The following RAD54L2 variants were observed in gnomAD, a reference collection of about 807,000 sequenced individuals.
RAD54L2 encodes helicase ARIP4.
Under a neutral mutation model 138.4 loss-of-function variants are expected in RAD54L2, and 27 were observed. The ratio of observed to expected loss-of-function variants is 0.20; its 90% confidence interval spans 0.14 to 0.27. RAD54L2 has a LOEUF of 0.27. Among genes scored for constraint, RAD54L2 ranks in the 10% least tolerant of loss-of-function variants. RAD54L2 has a pLI of 1.00. For synonymous variants in RAD54L2, 644 were observed against 723.2 expected, an observed-to-expected ratio of 0.89 and a Z score of 1.76; for missense variants, 1,396 against 1,890.2, an observed-to-expected ratio of 0.74 and a Z score of 4.85.
At chr3:51,650,956 A>G (rs888126894) in intron 19 of RAD54L2, among the ~76,000 whole-genome samples, 6 of 152,238 alleles carry the variant, frequency 3.9e-5, no homozygotes, top group African/African-American at 1.2e-4. Context: ...TAAAGGAGAT[A>G]GAGACACAAA....
intron 2 of RAD54L2, among the ~76,000 whole-genome samples, chr3:51,556,938 TGA>T (rs1698983329): frequency 6.6e-6 from 1 of 152,110 alleles, no homozygotes; most frequent in African/African-American, 2.4e-5. Context: ...GCAATATCTC[TGA>T]GGTGAGTTCC....
chr3:51,605,774 C>T (rs564860658), intron 3 of RAD54L2, among the ~76,000 whole-genome samples: 2 of 152,106 alleles, frequency 1.3e-5, no homozygotes, highest in Non-Finnish European at 2.9e-5. Context: ...ACTTTAGATA[C>T]GTCTAGTTTT....
At chr3:51,548,562 G>A (rs1490616036) in intron 2 of RAD54L2, among the ~76,000 whole-genome samples, 2 of 152,124 alleles carry the variant, frequency 1.3e-5, no homozygotes, top group African/African-American at 2.4e-5. Flanking sequence ...TACAGATGAG[G>A]AAGCAAACCC....
intron 19 of RAD54L2, among the ~76,000 whole-genome samples, chr3:51,648,178 G>T (rs767675444): frequency 1.3e-5 from 2 of 152,196 alleles, no homozygotes; most frequent in East Asian, 3.9e-4. Flanking sequence ...CCACACCCAC[G>T]GAGCCTTGCT....
intron 3 of RAD54L2, among the ~76,000 whole-genome samples, chr3:51,603,264 T>C (rs911881842): frequency 5.9e-5 from 9 of 151,902 alleles, no homozygotes; most frequent in African/African-American, 2.2e-4. Flanking sequence ...GTCAACTTTG[T>C]GCCACTGCAC....
chr3:51,560,242 C>T (rs188358070), intron 2 of RAD54L2, among the ~76,000 whole-genome samples: 3 of 152,214 alleles, frequency 2.0e-5, no homozygotes, highest in South Asian at 4.1e-4. Flanking sequence ...GCACTCTAGG[C>T]CCTGGTTAGG....
In RAD54L2 at chr3:51,637,147, T is replaced by C; in HGVS notation, c.1340-14T>C. 6.4e-7 allele frequency: 1 copy of C among 1,565,620 alleles called. No homozygotes were observed. Among genetic ancestry groups the C allele is most frequent in the Non-Finnish European group, 8.7e-7 (1 of 1,154,314 alleles). On this transcript the variant is annotated splice_polypyrimidine_tract_variant and intron_variant, in intron 10 of 22. Transcript: ENST00000684192. The surrounding 1 kb of genome is among the most constrained non-coding windows in gnomAD (Gnocchi z 5.9). ...CCTGTCACCCTCTGACTCCGGATCC[T>C]CTTCCCTCCCTAGAGTTTGAGAAGG...
Position 51,657,740 on chromosome 3 carries a change from C to T in RAD54L2, c.3316+71C>T, listed in dbSNP as rs1454258281. 3 of 1,083,196 alleles carry T rather than the reference C, an allele frequency of 2.8e-6. No homozygotes were observed. The African/African-American group carries it at 4.7e-5, about 17-fold the overall frequency. 67.1% of individuals were successfully genotyped at this position (1,083,196 alleles called of 1,614,324 possible). A position where few individuals can be genotyped will look rare whatever the true frequency, so the allele number is the denominator to read the frequency against. On this transcript the variant is annotated intron_variant, in intron 21 of 22. Transcript: ENST00000684192. ...GCTGGGCTGGGAAGAAGAATAAATA[C>T]ATATGACTTGAGCTAGACGGGTCAT...
At chr3:51,588,767 A>G (rs912146067) in intron 2 of RAD54L2, among the ~76,000 whole-genome samples, 4 of 152,152 alleles carry the variant, frequency 2.6e-5, no homozygotes, top group Non-Finnish European at 5.9e-5. Context: ...CTGACACATG[A>G]TAGACATAGT....
At chr3:51,625,798 G>T (rs1202706270) in intron 3 of RAD54L2, among the ~76,000 whole-genome samples, 1 of 152,078 alleles carries the variant, frequency 6.6e-6, no homozygotes, top group East Asian at 1.9e-4. Context: ...GGAGTTTGAG[G>T]CTACAGTGAG....
intron 2 of RAD54L2, among the ~76,000 whole-genome samples, chr3:51,573,198 C>T (rs185278524): frequency 5.3e-5 from 8 of 152,128 alleles, no homozygotes; most frequent in Middle Eastern, 6.8e-3. Context: ...TGTGGGGTGC[C>T]GTTTATTTAT....
intron 2 of RAD54L2, among the ~76,000 whole-genome samples, chr3:51,550,149 G>A (rs190390621): frequency 1.1e-3 from 164 of 152,226 alleles, no homozygotes; most frequent in Non-Finnish European, 1.8e-3. Context: ...CCTCACTTGA[G>A]CTGATCGCTC....
chr3:51,608,043 G>A (rs1180664616), intron 3 of RAD54L2, among the ~76,000 whole-genome samples: 7 of 151,628 alleles, frequency 4.6e-5, no homozygotes, highest in Admixed American at 1.3e-4. Context: ...GGCGGCTGCC[G>A]GGCAGAGGGG....
intron 2 of RAD54L2, among the ~76,000 whole-genome samples, chr3:51,567,913 G>A (rs1412910346): frequency 1.4e-5 from 2 of 146,398 alleles, no homozygotes; most frequent in Admixed American, 7.0e-5. Context: ...CTGCGCTTGA[G>A]CCTGGGTGAC....
intron 3 of RAD54L2, among the ~76,000 whole-genome samples, chr3:51,610,107 G>T (rs1184091674): frequency 6.6e-6 from 1 of 151,986 alleles, no homozygotes; most frequent in Non-Finnish European, 1.5e-5. Context: ...CTGCACTCCA[G>T]CCTGGGCAAC....
intron 2 of RAD54L2, among the ~76,000 whole-genome samples, chr3:51,586,431 G>GT (rs538266040): frequency 0.011 from 1,460 of 134,074 alleles, 9 homozygotes; most frequent in South Asian, 0.019. Flanking sequence ...TGTTGCCTTT[G>GT]TTTTTTTTTT....
intron 3 of RAD54L2, among the ~76,000 whole-genome samples, chr3:51,594,066 C>CTTTTT (rs904101025): frequency 2.4e-3 from 252 of 105,090 alleles, no homozygotes; most frequent in Non-Finnish European, 2.9e-3. Flanking sequence ...TTTTCTTTTT[C>CTTTTT]TTTTTTTTTT....
chr3:51,648,536 A>T (rs954370251), intron 19 of RAD54L2, among the ~76,000 whole-genome samples: 35 of 152,202 alleles, frequency 2.3e-4, no homozygotes, highest in African/African-American at 8.2e-4. Context: ...ACTGGGAGAC[A>T]CTTCCCAGTA....
intron 2 of RAD54L2, among the ~76,000 whole-genome samples, chr3:51,587,264 C>A (rs535684915): frequency 6.6e-6 from 1 of 152,162 alleles, no homozygotes; most frequent in South Asian, 2.1e-4. Context: ...CCACGCCCGG[C>A]TAATTTTTTG....
Sources: gnomAD v4.1 joint callset for allele counts (sites outside exome capture counted in the v4.1 genomes callset) on GRCh38, gnomAD v4.1.1 for gene constraint, Gnocchi (gnomAD v3.1) non-coding constraint, MANE v1.5 for transcripts, NCBI Gene and HGNC (gene_info 2026-07-23, HGNC 2026-07-21) for gene names.